The following RCN2 variants were observed in gnomAD, a reference collection of about 807,000 sequenced individuals.
RCN2 encodes the protein reticulocalbin-2.
Under a neutral mutation model 37.5 loss-of-function variants are expected in RCN2, and 23 were observed. The observed-to-expected ratio is 0.61, with a 90% CI of 0.44 to 0.87. The LOEUF (loss-of-function observed/expected upper bound fraction) is 0.87. Ranked by LOEUF, RCN2 falls within the 40% of genes least tolerant of loss-of-function variation. The pLI, the probability that RCN2 is intolerant of heterozygous loss-of-function variation, is 0.00. For missense variants in RCN2, 381 were observed against 390.4 expected (o/e 0.98, Z 0.20); for synonymous variants, 140 against 144.6 (o/e 0.97, Z 0.23).
In RCN2 at chr15:76,947,526, C is replaced by T. The variant is rs2075301341; in HGVS notation, c.658+9C>T. On this transcript the variant is annotated intron_variant, in intron 5 of 6. Coordinates refer to ENST00000394885, the MANE Select transcript of RCN2 (RefSeq NM_002902.3). The stretch of plus-strand genomic sequence containing the variant: ...TTACAGGTGGGATCCAAGTAAGTCA[C>T]CTGGGAGAATGTGAAAAGAGAAAAG... 2 of 1,510,068 alleles carry T rather than the reference C, an allele frequency of 1.3e-6. No individual in the cohort carries two copies. The highest frequency in any genetic ancestry group is 1.4e-5 in the African/African-American group (1 of 72,040). 93.5% of individuals were successfully genotyped at this position (1,510,068 alleles called of 1,614,324 possible). A position where few individuals can be genotyped will look rare whatever the true frequency, so the allele number is the denominator to read the frequency against.
Position 76,947,480 on chromosome 15 carries a change from T to C in RCN2, c.621T>C (p.Ser207=), listed in dbSNP as rs1174995497. Residue 207 remains serine (S), a synonymous_variant, in exon 5 of 7, where the codon AGT becomes AGC. Coordinates refer to ENST00000394885, the MANE Select transcript of RCN2 (RefSeq NM_002902.3). ...EHDKNGDGFV[S]LEEFLGDYRW... Reference sequence around the variant, plus strand: ...ACAAAAATGGTGATGGATTTGTTAGTTTGGAAGAATTTCTTGGTGATTACA... The same window carrying C: ...ACAAAAATGGTGATGGATTTGTTAGCTTGGAAGAATTTCTTGGTGATTACA... 1.2e-6 allele frequency: 2 copies of C among 1,610,132 alleles called. No homozygotes were observed. Among genetic ancestry groups the C allele is most frequent in the South Asian group, 2.2e-5 (2 of 90,408 alleles).
chr15:76,937,811 C>CT (rs1351060411), intron 3 of RCN2, among the ~76,000 whole-genome samples: 1 of 152,040 alleles, frequency 6.6e-6, no homozygotes, highest in Non-Finnish European at 1.5e-5. Flanking sequence ...CTGAGAAAGA[C>CT]TAATTTTATT....
At position 76,947,409 on chromosome 15, in the gene RCN2, A is replaced by T; in HGVS notation, c.562-12A>T. On this transcript the variant is annotated splice_polypyrimidine_tract_variant and intron_variant, in intron 4 of 6. Coordinates refer to ENST00000394885, the MANE Select transcript of RCN2 (RefSeq NM_002902.3). The stretch of plus-strand genomic sequence containing the variant: ...TAACTTTTTTTTTTCTTTTTTAATG[A>T]ACGTGGAATAGGAATTTGTCATTCA... 1 of 1,532,976 alleles carries T rather than the reference A, an allele frequency of 6.5e-7. No individual in the cohort carries two copies. Among genetic ancestry groups the T allele is most frequent in the East Asian group, 2.3e-5 (1 of 43,838 alleles). The allele number at this position is 1,532,976 out of a possible 1,614,324, so 95.0% of individuals were successfully genotyped here. A position where few individuals can be genotyped will look rare whatever the true frequency, so the allele number is the denominator to read the frequency against.
At chr15:76,937,811 CTAATT>C (rs757856355) in intron 3 of RCN2, among the ~76,000 whole-genome samples, 1 of 152,040 alleles carries the variant, frequency 6.6e-6, no homozygotes, top group African/African-American at 2.4e-5. Flanking sequence ...CTGAGAAAGA[CTAATT>C]TTATTTAGGA....
Position 76,953,131 on chromosome 15 carries a change from G to C in RCN2, c.*3909G>C, listed in dbSNP as rs1050664887. The C allele has an allele frequency of 6.9e-6, 1 of 145,618 alleles. No homozygotes were observed. Among genetic ancestry groups the C allele is most frequent in the African/African-American group, 2.6e-5 (1 of 39,174 alleles). The allele number at this position is 145,618 out of a possible 1,614,324, so 9.0% of individuals were successfully genotyped here. On this transcript the variant is annotated 3_prime_UTR_variant, in exon 7 of 7. Coordinates refer to ENST00000394885, the MANE Select transcript of RCN2 (RefSeq NM_002902.3). The stretch of plus-strand genomic sequence containing the variant: ...GTACTTTTAGTAGAGACGGGGTTTC[G>C]CCATGTTGGCATGGCTGGTCTCGAA...
At chr15:76,939,183 T>C (rs1275440236) in intron 3 of RCN2, among the ~76,000 whole-genome samples, 2 of 151,920 alleles carry the variant, frequency 1.3e-5, no homozygotes, top group Admixed American at 6.6e-5. Context: ...GTGAGCCATA[T>C]TTATGCCACT....
chr15:76,932,304 C>T, intron 1 of RCN2, 57 bp from the exon 2 acceptor site: 1 of 1,364,582 alleles, frequency 7.3e-7, no homozygotes, highest in East Asian at 2.4e-5. Context: ...TTTTCTCCAC[C>T]ATTTTGCCCC....
chr15:76,953,698 C>A lies in RCN2; in HGVS notation c.*4476C>A, dbSNP rs1200947318. 1.4e-5 allele frequency: 2 copies of A among 145,296 alleles called. No homozygotes were observed. Among genetic ancestry groups the A allele is most frequent in the East Asian group, 2.0e-4 (1 of 4,894 alleles). The allele number at this position is 145,296 out of a possible 1,614,324, so 9.0% of individuals were successfully genotyped here. On this transcript the variant is annotated 3_prime_UTR_variant, in exon 7 of 7. Transcript: ENST00000394885. The stretch of plus-strand genomic sequence containing the variant: ...TCTCGGCTCACTGCAGGCTCCGCCT[C>A]CCGGGTTCACACCATTCTCCTGCCT...
At chr15:76,935,165 A>G (rs2075241616) in intron 2 of RCN2, among the ~76,000 whole-genome samples, 2 of 152,190 alleles carry the variant, frequency 1.3e-5, no homozygotes, top group Admixed American at 1.3e-4. Flanking sequence ...TCTACTAAAA[A>G]TACAAAAAAT....
intron 3 of RCN2, among the ~76,000 whole-genome samples, chr15:76,940,692 G>A (rs915334325): frequency 5.3e-5 from 8 of 151,598 alleles, no homozygotes; most frequent in Admixed American, 2.0e-4. Context: ...GGGACTATAG[G>A]CACGTGCCAC....
chr15:76,936,502 G>A (rs1293431894), intron 3 of RCN2, among the ~76,000 whole-genome samples: 4 of 152,054 alleles, frequency 2.6e-5, no homozygotes, highest in Non-Finnish European at 5.9e-5. Context: ...TTCACAGTAG[G>A]GTTTGCACTC....
intron 6 of RCN2, 150 bp from the exon 7 acceptor site, chr15:76,948,920 C>A (rs1268882651): frequency 2.8e-6 from 2 of 724,776 alleles, no homozygotes; most frequent in Non-Finnish European, 4.5e-6. Context: ...AGTAGACGGA[C>A]CTGGTTACAA....
At position 76,949,206 on chromosome 15, in the gene RCN2, A is replaced by G; in HGVS notation, c.938A>G (p.Tyr313Cys). 6.2e-7 allele frequency: 1 copy of G among 1,609,134 alleles called. No individual in the cohort carries two copies. The highest frequency in any genetic ancestry group is 8.5e-7 in the Non-Finnish European group (1 of 1,178,110). ...AGACAGCTCCATGATGACTATTTCT[A>G]TCATGATGAGCTTTAATCTCTGAGC... ...YGRQLHDDYF[Y>C]HDEL The change falls in exon 7 of 7, where the codon TAT becomes TGT. Residue 313 changes from tyrosine to cysteine, a missense_variant. By Grantham distance (194) the Tyr-to-Cys change is radical. Coordinates refer to ENST00000394885, the MANE Select transcript of RCN2 (RefSeq NM_002902.3).
rs938233017 is a variant in RCN2, at chr15:76,949,852, A to G, written c.*630A>G. 3.9e-5 allele frequency: 6 copies of G among 152,720 alleles called. No homozygotes were observed. The highest frequency in any genetic ancestry group is 3.9e-4 in the Admixed American group (6 of 15,306). 9.5% of individuals were successfully genotyped at this position (152,720 alleles called of 1,614,324 possible). On this transcript the variant is annotated 3_prime_UTR_variant, in exon 7 of 7. Coordinates refer to ENST00000394885, the MANE Select transcript of RCN2 (RefSeq NM_002902.3). ...AGCATTATGGTGAGTGGAATTTGAC[A>G]TTGTCCAAACCTTTTTCATTTTTGA...
intron 3 of RCN2, among the ~76,000 whole-genome samples, chr15:76,939,957 G>A (rs1298660958): frequency 2.0e-5 from 3 of 152,088 alleles, no homozygotes; most frequent in African/African-American, 4.8e-5. Flanking sequence ...CTTTTAAAAG[G>A]TGTCTGGTTC....
chr15:76,947,654 G>A lies in RCN2; in HGVS notation c.658+137G>A, dbSNP rs1020033401. ...TCTGATCCTACTTGTTTCGTTAACTGTAATACAAGTTCAACAAATGGATTT... is the reference window on the plus strand; with the variant it reads ...TCTGATCCTACTTGTTTCGTTAACTATAATACAAGTTCAACAAATGGATTT... On this transcript the variant is annotated intron_variant, in intron 5 of 6. Transcript: ENST00000394885. 8.2e-6 allele frequency: 5 copies of A among 608,762 alleles called. No homozygotes were observed. The African/African-American group carries it at 9.7e-5, about 12-fold the overall frequency. The allele number at this position is 608,762 out of a possible 1,614,324, so 37.7% of individuals were successfully genotyped here.
At chr15:76,935,489 A>G in intron 2 of RCN2, 37 bp from the exon 3 acceptor site, 1 of 1,506,526 alleles carries the variant, frequency 6.6e-7, no homozygotes, top group Non-Finnish European at 9.1e-7. Flanking sequence ...TATCAGAATT[A>G]ACGTCACATG....
intron 3 of RCN2, chr15:76,938,710 C>G: frequency 2.2e-6 from 1 of 455,542 alleles, no homozygotes; most frequent in South Asian, 1.5e-5. Flanking sequence ...GGTTAATTCT[C>G]TGCTAATAAC....
chr15:76,946,429 A>T (rs1306660239), intron 4 of RCN2, among the ~76,000 whole-genome samples: 1 of 151,356 alleles, frequency 6.6e-6, no homozygotes, highest in Non-Finnish European at 1.5e-5. Flanking sequence ...AGCCTGGGTG[A>T]CAGAATGAGA....
Sources: gnomAD v4.1 joint callset for allele counts (sites outside exome capture counted in the v4.1 genomes callset) on GRCh38, gnomAD v4.1.1 for gene constraint, MANE v1.5 for transcripts, NCBI Gene and HGNC (gene_info 2026-07-23, HGNC 2026-07-21) for gene names.